UQCC4: variants seen among roughly 807,000 people sequenced by gnomAD.
The protein encoded by UQCC4 is cattle cerebrum and skeletal muscle-specific protein 1 family member.
chr16:1,420,723 T>C, the UQCC4 span: 3 of 1,539,324 alleles, frequency 1.9e-6, no homozygotes, highest in Non-Finnish European at 2.6e-6. Flanking sequence ...ACACGATTCA[T>C]TGCTGCCTTG....
the UQCC4 span, chr16:1,420,462 G>C: frequency 6.2e-7 from 1 of 1,614,274 alleles, no homozygotes; most frequent in Non-Finnish European, 8.5e-7. Flanking sequence ...CCACCGACCA[G>C]CGGTGAGGGT....
the UQCC4 span, chr16:1,420,675 G>C: frequency 3.2e-6 from 5 of 1,548,490 alleles, no homozygotes; most frequent in Non-Finnish European, 4.4e-6. Flanking sequence ...GGCCCTCCGA[G>C]ACCTTGAGGA....
chr16:1,420,151 A>G, the UQCC4 span: 2 of 1,613,702 alleles, frequency 1.2e-6, no homozygotes, highest in African/African-American at 2.7e-5. Context: ...AGTGCTGAGG[A>G]CGCACGCATA....
the UQCC4 span, chr16:1,419,898 T>C: frequency 7.1e-7 from 1 of 1,416,110 alleles, no homozygotes; most frequent in Non-Finnish European, 9.5e-7. Context: ...ACCTGCAAAC[T>C]AACACTGGAT....
the UQCC4 span, chr16:1,420,265 G>A: frequency 6.2e-7 from 1 of 1,613,706 alleles, no homozygotes; most frequent in Non-Finnish European, 8.5e-7. Context: ...CGCTCTGTAG[G>A]CAGCTGGAGT....
the UQCC4 span, chr16:1,420,608 C>A: frequency 1.5e-5 from 24 of 1,573,272 alleles, no homozygotes; most frequent in Non-Finnish European, 2.1e-5. Flanking sequence ...AGCGCCCGGA[C>A]GGCCCTGGAA....
the UQCC4 span, chr16:1,420,047 C>A: frequency 1.9e-6 from 3 of 1,611,406 alleles, no homozygotes; most frequent in Non-Finnish European, 2.5e-6. Flanking sequence ...ACATCAAGAG[C>A]CAGGCGAGGA....
At chr16:1,420,160 T>C in the UQCC4 span, 2 of 1,613,984 alleles carry the variant, frequency 1.2e-6, no homozygotes, top group Non-Finnish European at 1.7e-6. Context: ...GACGCACGCA[T>C]AGCCAGGACA....
At chr16:1,420,681 G>T in the UQCC4 span, 1 of 1,547,698 alleles carries the variant, frequency 6.5e-7, no homozygotes, top group Non-Finnish European at 8.7e-7. Flanking sequence ...CCGAGACCTT[G>T]AGGAGCTCAC....
At chr16:1,420,707 C>T in the UQCC4 span, 1 of 1,542,754 alleles carries the variant, frequency 6.5e-7, no homozygotes, top group South Asian at 1.2e-5. Context: ...CGCCGGGGCA[C>T]ACAAGACACG....
the UQCC4 span, chr16:1,420,424 C>T: frequency 6.2e-6 from 10 of 1,614,138 alleles, no homozygotes; most frequent in Middle Eastern, 1.6e-4. Flanking sequence ...CCACCAGGGC[C>T]GCTGATGTCC....
At chr16:1,419,877 GAAAGCAAATTACCTGC>G in the UQCC4 span, 3 of 1,364,986 alleles carry the variant, frequency 2.2e-6, no homozygotes, top group Non-Finnish European at 2.9e-6. Context: ...TTCTATCTCA[GAAAGCAAATTACCTGC>G]AAACTAACAC....
chr16:1,420,276 C>T, the UQCC4 span: 29 of 1,614,002 alleles, frequency 1.8e-5, no homozygotes, highest in African/African-American at 3.3e-4. Flanking sequence ...CAGCTGGAGT[C>T]TCAGGCTCCT....
the UQCC4 span, chr16:1,420,741 G>A: frequency 2.0e-6 from 3 of 1,536,554 alleles, no homozygotes; most frequent in East Asian, 2.4e-5. Flanking sequence ...TTGACTCCTC[G>A]ACTGACGCCT....
the UQCC4 span, chr16:1,419,956 A>G: frequency 6.5e-7 from 1 of 1,545,692 alleles, no homozygotes; most frequent in Non-Finnish European, 8.8e-7. Flanking sequence ...TGTTATACAA[A>G]GACTTGGCAA....
the UQCC4 span, chr16:1,420,616 G>A: frequency 6.4e-7 from 1 of 1,564,038 alleles, no homozygotes; most frequent in Non-Finnish European, 8.7e-7. Context: ...GACGGCCCTG[G>A]AAGAGAGAGA....
chr16:1,420,704 G>T, the UQCC4 span: 4 of 1,543,086 alleles, frequency 2.6e-6, no homozygotes, highest in Non-Finnish European at 3.5e-6. Context: ...GGCCGCCGGG[G>T]CACACAAGAC....
the UQCC4 span, chr16:1,419,819 C>A: frequency 9.0e-7 from 1 of 1,107,984 alleles, no homozygotes. Flanking sequence ...GGAAGTGTTC[C>A]TTGCACAGGC....
the UQCC4 span, chr16:1,420,544 T>G: frequency 6.2e-7 from 1 of 1,613,642 alleles, no homozygotes; most frequent in Non-Finnish European, 8.5e-7. Context: ...GTGGGCCCGA[T>G]CCCGGGAACC....
Sources: allele counts gnomAD v4.1 joint callset, GRCh38; gene constraint gnomAD v4.1.1; transcripts MANE v1.5; gene names NCBI Gene and HGNC (gene_info 2026-07-23, HGNC 2026-07-21).